The following ANKS1B variants were observed in gnomAD, a reference collection of about 807,000 sequenced individuals.
The protein encoded by ANKS1B is ankyrin repeat and sterile alpha motif domain-containing protein 1B.
In ANKS1B, 36 loss-of-function variants were observed where a neutral mutation model predicts 148.3. The observed-to-expected ratio is 0.24, with a 90% CI of 0.19 to 0.32. ANKS1B has a LOEUF of 0.32. Ranked by LOEUF, ANKS1B falls within the 10% of genes least tolerant of loss-of-function variation. The pLI, the probability that ANKS1B is intolerant of heterozygous loss-of-function variation, is 1.00. For missense variants in ANKS1B, 1,157 were observed against 1,542.6 expected (o/e 0.75, Z 4.19); for synonymous variants, 542 against 560.8 (o/e 0.97, Z 0.47).
chr12:99,209,916 C>T (rs948883515), intron 14 of ANKS1B, among the ~76,000 whole-genome samples: 1 of 152,102 alleles, frequency 6.6e-6, no homozygotes, highest in South Asian at 2.1e-4. Context: ...CCAAGATAAC[C>T]TCCCCTCTGA....
At chr12:99,023,965 T>C in intron 17 of ANKS1B, among the ~76,000 whole-genome samples, 1 of 150,362 alleles carries the variant, frequency 6.7e-6, no homozygotes. Flanking sequence ...TAATTTATAG[T>C]TAATTTAATT....
chr12:99,046,770 T>C (rs1025738122), intron 17 of ANKS1B, among the ~76,000 whole-genome samples: 2 of 143,656 alleles, frequency 1.4e-5, no homozygotes, highest in Non-Finnish European at 3.0e-5. Flanking sequence ...ATTGTGCCAC[T>C]GCACTCCAGC....
chr12:99,670,593 C>G (rs991980828), intron 8 of ANKS1B, among the ~76,000 whole-genome samples: 2 of 152,058 alleles, frequency 1.3e-5, no homozygotes, highest in African/African-American at 4.8e-5. Context: ...GTCATAAACT[C>G]TGAACTCAAG....
chr12:99,792,466 A>G (rs2065775935), intron 4 of ANKS1B, among the ~76,000 whole-genome samples: 1 of 152,014 alleles, frequency 6.6e-6, no homozygotes, highest in Non-Finnish European at 1.5e-5. Flanking sequence ...ATCTCTGATT[A>G]CTATTGATGT....
At chr12:99,162,559 T>A in intron 14 of ANKS1B, among the ~76,000 whole-genome samples, 1 of 152,122 alleles carries the variant, frequency 6.6e-6, no homozygotes, top group East Asian at 1.9e-4. Flanking sequence ...ATCTGCATCA[T>A]CCATCCTCCC....
At chr12:98,944,718 A>G (rs757621450) in intron 17 of ANKS1B, among the ~76,000 whole-genome samples, 4 of 152,230 alleles carry the variant, frequency 2.6e-5, no homozygotes, top group Non-Finnish European at 4.4e-5. Context: ...AAACCATGGA[A>G]TGAAATACTC....
In ANKS1B at chr12:99,812,544, CACACACACACACACAGAGAGAG is replaced by C. The variant is rs1267154894; in HGVS notation, c.216-255_216-234del. Among the ~76,000 whole-genome samples, 13 of 95,228 alleles carry C rather than the reference CACACACACACACACAGAGAGAG, an allele frequency of 1.4e-4. No individual in the cohort carries two copies. The South Asian group carries it at 1.7e-3, about 13-fold the overall frequency. 62.5% of individuals were successfully genotyped at this position (95,228 alleles called of 152,430 possible). A position where few individuals can be genotyped will look rare whatever the true frequency, so the allele number is the denominator to read the frequency against. On this transcript the variant is annotated intron_variant, in intron 2 of 26. Coordinates refer to ENST00000683438, the MANE Select transcript of ANKS1B (RefSeq NM_001352186.2). ...ACACACACACACACACACACACACA[CACACACACACACACAGAGAGAG>C]AGAGAGAGAGAAAGAGAGCGAGAGC...
chr12:99,315,558 TAA>T (rs1341848778), intron 12 of ANKS1B, among the ~76,000 whole-genome samples: 2 of 151,992 alleles, frequency 1.3e-5, no homozygotes, highest in East Asian at 3.9e-4. Flanking sequence ...TTTTTTTCTA[TAA>T]GTTTTATTAA....
chr12:99,678,221 A>G (rs2098593069), intron 8 of ANKS1B, among the ~76,000 whole-genome samples: 1 of 152,194 alleles, frequency 6.6e-6, no homozygotes, highest in South Asian at 2.1e-4. Flanking sequence ...CTATAGTTCT[A>G]TAAATGTTAA....
At chr12:99,940,411 A>C (rs776145177) in intron 1 of ANKS1B, among the ~76,000 whole-genome samples, 1 of 152,182 alleles carries the variant, frequency 6.6e-6, no homozygotes, top group Non-Finnish European at 1.5e-5. Context: ...AAAACAAAAC[A>C]AAAACATTTA....
chr12:99,146,642 T>C (rs2073216713), intron 15 of ANKS1B, among the ~76,000 whole-genome samples: 1 of 152,144 alleles, frequency 6.6e-6, no homozygotes, highest in African/African-American at 2.4e-5. Context: ...CCTCAGCTAT[T>C]GGCTGGCTTC....
At chr12:99,458,795 G>C (rs1272129086) in intron 10 of ANKS1B, among the ~76,000 whole-genome samples, 1 of 151,486 alleles carries the variant, frequency 6.6e-6, no homozygotes, top group Non-Finnish European at 1.5e-5. Flanking sequence ...AAAAGGCCAG[G>C]ACCAGATAGA....
At chr12:99,827,343 A>C (rs901672917) in intron 1 of ANKS1B, among the ~76,000 whole-genome samples, 9 of 152,150 alleles carry the variant, frequency 5.9e-5, no homozygotes. Context: ...ATCTGAAAAA[A>C]AATCAAATAT....
intron 22 of ANKS1B, among the ~76,000 whole-genome samples, chr12:98,789,141 A>T (rs1356762314): frequency 6.6e-6 from 1 of 152,152 alleles, no homozygotes; most frequent in Non-Finnish European, 1.5e-5. Context: ...TCAGGAGTTC[A>T]AGATTAGCCT....
At chr12:99,268,481 T>C (rs570271383) in intron 12 of ANKS1B, among the ~76,000 whole-genome samples, 1 of 152,296 alleles carries the variant, frequency 6.6e-6, no homozygotes, top group South Asian at 2.1e-4. Flanking sequence ...TGCAAGTGGT[T>C]TGGCTGTTAT....
At chr12:99,708,526 T>C (rs968250581) in intron 8 of ANKS1B, among the ~76,000 whole-genome samples, 2 of 152,174 alleles carry the variant, frequency 1.3e-5, no homozygotes, top group African/African-American at 4.8e-5. Context: ...CTAGAGGATC[T>C]GGGAATAATC....
intron 12 of ANKS1B, among the ~76,000 whole-genome samples, chr12:99,311,034 G>A (rs910536292): frequency 2.6e-5 from 4 of 152,110 alleles, no homozygotes; most frequent in African/African-American, 7.2e-5. Context: ...TTAGTAGGAC[G>A]CCTGACCATA....
chr12:99,598,731 T>C (rs1005097574), intron 9 of ANKS1B, among the ~76,000 whole-genome samples: 2 of 152,018 alleles, frequency 1.3e-5, no homozygotes, highest in Admixed American at 6.6e-5. Context: ...GCATTCCAGA[T>C]TGGGGGCAAA....
At chr12:99,251,402 T>A (rs981795119) in intron 12 of ANKS1B, among the ~76,000 whole-genome samples, 1 of 152,238 alleles carries the variant, frequency 6.6e-6, no homozygotes, top group Non-Finnish European at 1.5e-5. Context: ...AAAAGTATAC[T>A]TTGGAAAGAA....
Sources: allele counts gnomAD v4.1 joint callset (sites outside exome capture counted in the v4.1 genomes callset), GRCh38; gene constraint gnomAD v4.1.1; transcripts MANE v1.5; gene names NCBI Gene and HGNC (gene_info 2026-07-23, HGNC 2026-07-21).